PLPP4: variants seen among roughly 807,000 people sequenced by gnomAD.
PLPP4 encodes phospholipid phosphatase 4.
In PLPP4, 20 loss-of-function variants were observed where a neutral mutation model predicts 32.2. The observed-to-expected ratio is 0.62, with a 90% CI of 0.44 to 0.90. The LOEUF is 0.90. Among genes scored for constraint, PLPP4 ranks in the 40% least tolerant of loss-of-function variants. The pLI is 0.00. For missense variants in PLPP4, 257 were observed against 353.1 expected, an observed-to-expected ratio of 0.73 and a Z score of 2.18; for synonymous variants, 127 against 133.0, an observed-to-expected ratio of 0.95 and a Z score of 0.31.
At position 120,503,885 on chromosome 10, in the gene PLPP4, C is replaced by A. The variant is rs1845380659; in HGVS notation, c.124C>A (p.Pro42Thr). Residue 42 changes from proline (P) to threonine (T), a missense_variant, in exon 2 of 7, where the codon CCT becomes ACT. Transcript: ENST00000398250. ...QPEEIWLYKN[P>T]LVQSDNIPTR... Reference sequence around the variant, plus strand: ...AGAAGAGATCTGGCTCTATAAAAATCCTTTGGTGCAATCAGATAACATACC... The same window carrying A: ...AGAAGAGATCTGGCTCTATAAAAATACTTTGGTGCAATCAGATAACATACC... 3 of 1,613,772 alleles carry A rather than the reference C, an allele frequency of 1.9e-6. No individual in the cohort carries two copies. The highest frequency in any genetic ancestry group is 2.5e-6 in the Non-Finnish European group (3 of 1,179,764).
intron 2 of PLPP4, among the ~76,000 whole-genome samples, chr10:120,505,293 C>T (rs1055258266): frequency 6.6e-6 from 1 of 152,218 alleles, no homozygotes; most frequent in Non-Finnish European, 1.5e-5. Context: ...GTCTGGGACT[C>T]CTTGCTGATG....
intron 1 of PLPP4, among the ~76,000 whole-genome samples, chr10:120,491,842 A>G (rs1383061627): frequency 6.8e-6 from 1 of 146,706 alleles, no homozygotes. Flanking sequence ...CAACAACAAC[A>G]AAACCCAACA....
chr10:120,569,238 C>CA (rs34266666), intron 5 of PLPP4, among the ~76,000 whole-genome samples: 35,888 of 141,208 alleles, frequency 0.25, 4,434 homozygotes, highest in Admixed American at 0.33. Flanking sequence ...GACTCCATCT[C>CA]AAAAAAAAAA....
intron 5 of PLPP4, among the ~76,000 whole-genome samples, chr10:120,547,442 T>C (rs1049136083): frequency 6.6e-6 from 1 of 152,192 alleles, no homozygotes; most frequent in Non-Finnish European, 1.5e-5. Flanking sequence ...GTATGTGTTT[T>C]AAAAATTGAT....
chr10:120,566,850 T>A (rs112452100), intron 5 of PLPP4, among the ~76,000 whole-genome samples: 2 of 152,216 alleles, frequency 1.3e-5, no homozygotes, highest in Admixed American at 6.5e-5. Context: ...CCACGGCACC[T>A]GGCCTTTTCC....
chr10:120,580,184 TTC>T (rs1376520231), intron 6 of PLPP4, among the ~76,000 whole-genome samples: 1 of 150,914 alleles, frequency 6.6e-6, no homozygotes, highest in Non-Finnish European at 1.5e-5. Context: ...TCAGATGAAC[TTC>T]TCAGCTAGTG....
chr10:120,498,970 T>G (rs1252683268), intron 1 of PLPP4, among the ~76,000 whole-genome samples: 1 of 152,184 alleles, frequency 6.6e-6, no homozygotes, highest in East Asian at 1.9e-4. Flanking sequence ...GGAAAGGCTG[T>G]CACAGTGAGA....
intron 5 of PLPP4, among the ~76,000 whole-genome samples, chr10:120,559,306 ATT>A (rs34289712): frequency 0.066 from 9,638 of 147,096 alleles, 484 homozygotes; most frequent in Middle Eastern, 0.14. Flanking sequence ...TTTCATGTTC[ATT>A]TTTTTTTTTG....
rs566572035 is a variant in PLPP4 at position 120,501,383 on chromosome 10, A to T, written c.57-2435A>T. Among the ~76,000 whole-genome samples the T allele has an allele frequency of 4.1e-4, 62 of 152,370 alleles. No individual in the cohort carries two copies. In the South Asian group the frequency reaches 0.012, roughly 30 times the overall value. On this transcript the variant is annotated intron_variant, in intron 1 of 6. Transcript: ENST00000398250. ...AAACAAAGACCGAAAACTGTCTAGT[A>T]AAAATATGCAGCTTTAGGCTAGAGT...
At position 120,521,094 on chromosome 10, in the gene PLPP4, C is replaced by G; in HGVS notation, c.444C>G (p.Ser148=). ...AAAGCTTCCCCAGCATCCATTCCTC[C>G]TGTAAGTTCATGGCTGGGATTCTCT... ...GRKSFPSIHS[S]FAFSGLGFTT... Residue 148 remains serine, a splice_region_variant and synonymous_variant, in exon 5 of 7, where the codon TCC becomes TCG. Transcript: ENST00000398250. The G allele has an allele frequency of 6.2e-7, 1 of 1,614,034 alleles. No homozygotes were observed. The highest frequency in any genetic ancestry group is 8.5e-7 in the Non-Finnish European group (1 of 1,179,984).
chr10:120,577,993 A>C (rs1013162459), intron 6 of PLPP4, among the ~76,000 whole-genome samples: 2 of 152,152 alleles, frequency 1.3e-5, no homozygotes, highest in African/African-American at 2.4e-5. Flanking sequence ...CTGCCATCCA[A>C]TGGGTGGAGG....
chr10:120,579,813 A>G (rs930892323), intron 6 of PLPP4, among the ~76,000 whole-genome samples: 1 of 151,994 alleles, frequency 6.6e-6, no homozygotes, highest in African/African-American at 2.4e-5. Context: ...TGGCCAAAGA[A>G]TGGAGAAGTT....
At chr10:120,542,758 A>AATC in intron 5 of PLPP4, among the ~76,000 whole-genome samples, 1 of 152,322 alleles carries the variant, frequency 6.6e-6, no homozygotes, top group South Asian at 2.1e-4. Flanking sequence ...ATGCAGTAAC[A>AATC]ATCTCTAAAC....
At chr10:120,488,553 C>G (rs560698346) in intron 1 of PLPP4, among the ~76,000 whole-genome samples, 2 of 152,292 alleles carry the variant, frequency 1.3e-5, no homozygotes, top group Admixed American at 1.3e-4. Context: ...TCCATTTTAC[C>G]AACAAGGAAG....
Position 120,466,041 on chromosome 10 carries a change from C to T in PLPP4, c.56+8680C>T, listed in dbSNP as rs573348652. Reference sequence around the variant, plus strand: ...ATAATTTCTTGTAGGTATATACATACGGGTGGAACTGCTGGGTTCTTCATC... The same window carrying T: ...ATAATTTCTTGTAGGTATATACATATGGGTGGAACTGCTGGGTTCTTCATC... On this transcript the variant is annotated intron_variant, in intron 1 of 6. Coordinates refer to ENST00000398250, the MANE Select transcript of PLPP4 (RefSeq NM_001030059.3). Among the ~76,000 whole-genome samples the T allele has an allele frequency of 5.0e-4, 76 of 152,000 alleles. 1 individual carries two copies. The highest frequency in any genetic ancestry group is 6.3e-4 in the Non-Finnish European group (43 of 67,980).
chr10:120,569,503 T>G (rs1446805181), intron 5 of PLPP4, among the ~76,000 whole-genome samples: 2 of 152,250 alleles, frequency 1.3e-5, no homozygotes, highest in Non-Finnish European at 2.9e-5. Context: ...CTGTTTGCAT[T>G]TCCTGCCTCT....
chr10:120,493,372 T>C (rs1400030898), intron 1 of PLPP4, among the ~76,000 whole-genome samples: 1 of 152,196 alleles, frequency 6.6e-6, no homozygotes, highest in Non-Finnish European at 1.5e-5. Flanking sequence ...TGGGATGCCA[T>C]GGCCGTCCTG....
In PLPP4 at chr10:120,557,122, T is replaced by C. The variant is rs75510915; in HGVS notation, c.446-18009T>C. On this transcript the variant is annotated intron_variant, in intron 5 of 6. Coordinates refer to ENST00000398250, the MANE Select transcript of PLPP4 (RefSeq NM_001030059.3). ...CATTTTTCTGAGCCTGTGGGAATCA[T>C]GCTGACCATCGTAACAAATGGCCAG... Among the ~76,000 whole-genome samples, 1,432 of 152,312 alleles carry C rather than the reference T, an allele frequency of 9.4e-3. 26 individuals are homozygous for C. The highest frequency in any genetic ancestry group is 0.033 in the African/African-American group (1,378 of 41,564).
At chr10:120,500,045 G>A (rs145671275) in intron 1 of PLPP4, among the ~76,000 whole-genome samples, 3 of 152,292 alleles carry the variant, frequency 2.0e-5, no homozygotes, top group Non-Finnish European at 2.9e-5. Context: ...TGAGACAGAC[G>A]CCAGTGGCTG....
Sources: allele counts gnomAD v4.1 joint callset (sites outside exome capture counted in the v4.1 genomes callset), GRCh38; gene constraint gnomAD v4.1.1; transcripts MANE v1.5; gene names NCBI Gene and HGNC (gene_info 2026-07-23, HGNC 2026-07-21).